Variants in TXNDC8 observed in about 807,000 individuals in gnomAD.
The protein encoded by TXNDC8 is thioredoxin domain-containing protein 8.
TXNDC8 carries 15 observed loss-of-function variants against 12.9 expected under a neutral mutation model. That is an observed-to-expected ratio of 1.16 (90% CI 0.78 to 1.79). The LOEUF is 1.79. TXNDC8 is among the 40% of genes most tolerant of loss of function. TXNDC8 has a pLI of 0.00. For synonymous variants in TXNDC8, 40 were observed against 35.4 expected (o/e 1.13, Z -0.46); for missense variants, 128 against 113.2 (o/e 1.13, Z -0.59).
At chr9:110,305,772 T>C (rs192444897) in intron 3 of TXNDC8, among the ~76,000 whole-genome samples, 1 of 88,070 alleles carries the variant, frequency 1.1e-5, no homozygotes, top group African/African-American at 4.0e-5. Context: ...CCCTTTCTTT[T>C]CTTTTCTTTT....
chr9:110,321,336 C>T (rs917521107), intron 3 of TXNDC8, among the ~76,000 whole-genome samples: 1 of 152,118 alleles, frequency 6.6e-6, no homozygotes, highest in African/African-American at 2.4e-5. Flanking sequence ...TTTTCTGATC[C>T]AATGCAGAGA....
rs1253560696 is a variant in TXNDC8, at chr9:110,304,476, C to T, written c.252G>A (p.Met84Ile). The T allele has an allele frequency of 1.2e-6, 2 of 1,609,852 alleles. No homozygotes were observed. Among genetic ancestry groups the T allele is most frequent in the Non-Finnish European group, 1.7e-6 (2 of 1,177,364 alleles). ...ATCCCATTTCACTTACCAGGTTGCT[C>T]ATGAATCCACTTCTATAACAGCAAA... Residue 84 changes from methionine (M) to isoleucine (I), a missense_variant, in exon 4 of 5, where the codon ATG becomes ATA. Coordinates refer to ENST00000423740, the MANE Select transcript of TXNDC8 (RefSeq NM_001286946.2).
At chr9:110,335,913 T>G (rs1351036903) in intron 1 of TXNDC8, among the ~76,000 whole-genome samples, 1 of 152,198 alleles carries the variant, frequency 6.6e-6, no homozygotes, top group Admixed American at 6.5e-5. Context: ...AATCTCATCT[T>G]GAATTGTAGC....
intron 3 of TXNDC8, among the ~76,000 whole-genome samples, chr9:110,320,557 A>G (rs369223647): frequency 2.6e-5 from 4 of 152,200 alleles, no homozygotes; most frequent in African/African-American, 7.2e-5. Flanking sequence ...CAATGGGTCT[A>G]CAACCAAAGT....
chr9:110,310,515 C>T (rs568611034), intron 3 of TXNDC8, among the ~76,000 whole-genome samples: 1 of 152,072 alleles, frequency 6.6e-6, no homozygotes. Flanking sequence ...ATGCCTAATA[C>T]ATTTATGTAT....
intron 3 of TXNDC8, among the ~76,000 whole-genome samples, chr9:110,305,147 CAAAAAAAAAAAAA>C (rs769344640): frequency 1.8e-5 from 1 of 57,128 alleles, no homozygotes; most frequent in Non-Finnish European, 3.3e-5. Context: ...GATTCTGTCT[CAAAAAAAAAAAAA>C]AAAAAAAAAA....
chr9:110,317,470 C>G (rs918108607), intron 3 of TXNDC8, among the ~76,000 whole-genome samples: 1 of 152,338 alleles, frequency 6.6e-6, no homozygotes, highest in South Asian at 2.1e-4. Context: ...CAGGTATGCT[C>G]TCTTCCCACT....
chr9:110,323,891 C>A (rs1432840285), intron 3 of TXNDC8: 12 of 1,550,672 alleles, frequency 7.7e-6, no homozygotes, highest in Admixed American at 5.9e-5. Context: ...GCTGCTTAAG[C>A]AAAGTCCTGA....
At chr9:110,327,783 G>A (rs992008218) in intron 2 of TXNDC8, among the ~76,000 whole-genome samples, 1 of 152,190 alleles carries the variant, frequency 6.6e-6, no homozygotes, top group African/African-American at 2.4e-5. Flanking sequence ...GCCTAGGATT[G>A]GGGGGTGGAG....
chr9:110,326,101 C>G, intron 3 of TXNDC8, 74 bp downstream of exon 4: 2 of 1,477,736 alleles, frequency 1.4e-6, no homozygotes, highest in Non-Finnish European at 1.9e-6. Flanking sequence ...CCACCCAGGA[C>G]AGCCAGGCTT....
intron 2 of TXNDC8, among the ~76,000 whole-genome samples, chr9:110,333,158 G>A (rs1158383016): frequency 6.6e-6 from 1 of 152,166 alleles, no homozygotes; most frequent in South Asian, 2.1e-4. Flanking sequence ...GATATACCAG[G>A]CATCCTCAAT....
intron 3 of TXNDC8, among the ~76,000 whole-genome samples, chr9:110,310,124 T>C (rs1427820633): frequency 1.3e-5 from 2 of 152,086 alleles, no homozygotes; most frequent in Non-Finnish European, 2.9e-5. Context: ...TTTGTGCACA[T>C]TCACATTAAA....
chr9:110,326,577 C>T (rs1839326230), intron 2 of TXNDC8, among the ~76,000 whole-genome samples: 1 of 151,900 alleles, frequency 6.6e-6, no homozygotes, highest in Non-Finnish European at 1.5e-5. Flanking sequence ...CAGAGGGGCC[C>T]CAGTGGAACT....
At chr9:110,316,962 A>C (rs1564099422) in intron 3 of TXNDC8, among the ~76,000 whole-genome samples, 1 of 152,238 alleles carries the variant, frequency 6.6e-6, no homozygotes, top group African/African-American at 2.4e-5. Flanking sequence ...GTTTATTTAC[A>C]AAAACAAGTG....
intron 3 of TXNDC8, among the ~76,000 whole-genome samples, chr9:110,305,604 T>TTCTTTCTTTCTTTC (rs1554700870): frequency 2.2e-4 from 29 of 128,990 alleles, no homozygotes; most frequent in African/African-American, 9.7e-4. Context: ...CTTTCTTTCT[T>TTCTTTCTTTCTTTC]TCTTTCTTTT....
downstream of TXNDC8, among the ~76,000 whole-genome samples, chr9:110,302,984 A>G (rs1269143311): frequency 1.3e-5 from 2 of 152,126 alleles, no homozygotes; most frequent in Non-Finnish European, 2.9e-5. Context: ...GAATAGCTTG[A>G]ACCTGGTAGG....
In TXNDC8 at chr9:110,334,293, C is replaced by T. The variant is rs1195917706; in HGVS notation, c.52G>A (p.Ala18Thr). 5 of 1,613,576 alleles carry T rather than the reference C, an allele frequency of 3.1e-6. No homozygotes were observed. In the African/African-American group the frequency reaches 4.0e-5, roughly 13 times the overall value. ...TGAACCACTGCGAGTTTGTGTCCGG[C>T]AGCTGTCAAAAATGTTTTAAATTCA... Residue 18 changes from alanine to threonine, a missense_variant, in exon 2 of 5, where the codon GCC becomes ACC. Physicochemically the swap from Ala to Thr is moderately conservative, Grantham distance 58 (BLOSUM62 0). Coordinates refer to ENST00000423740, the MANE Select transcript of TXNDC8 (RefSeq NM_001286946.2).
intron 3 of TXNDC8, among the ~76,000 whole-genome samples, chr9:110,306,015 C>T (rs1352484959): frequency 6.6e-6 from 1 of 151,962 alleles, no homozygotes; most frequent in Non-Finnish European, 1.5e-5. Context: ...CTCTGCCTCC[C>T]ACCACCACTC....
intron 2 of TXNDC8, among the ~76,000 whole-genome samples, chr9:110,328,936 A>G (rs1839442739): frequency 1.3e-5 from 2 of 152,240 alleles, no homozygotes; most frequent in Non-Finnish European, 2.9e-5. Context: ...ATTCTGAGGC[A>G]GAACGCAGAG....
Sources: allele counts gnomAD v4.1 joint callset (sites outside exome capture counted in the v4.1 genomes callset), GRCh38; gene constraint gnomAD v4.1.1; transcripts MANE v1.5; gene names NCBI Gene and HGNC (gene_info 2026-07-23, HGNC 2026-07-21).